MAGI1: variants seen among roughly 807,000 people sequenced by gnomAD.
The protein encoded by MAGI1 is membrane-associated guanylate kinase, WW and PDZ domain-containing protein 1.
MAGI1 carries 58 observed loss-of-function variants against 139.9 expected under a neutral mutation model. The ratio of observed to expected loss-of-function variants is 0.41; its 90% CI spans 0.34 to 0.52. MAGI1 has a LOEUF of 0.52. Ranked by LOEUF, MAGI1 falls within the 20% of genes least tolerant of loss-of-function variation. The pLI is 0.12. For synonymous variants in MAGI1, 812 were observed against 737.9 expected, an observed-to-expected ratio of 1.10 and a Z score of -1.63; for missense variants, 1,874 against 1,901.6, an observed-to-expected ratio of 0.99 and a Z score of 0.27.
chr3:66,029,133 G>C (rs550277324), intron 1 of MAGI1, among the ~76,000 whole-genome samples: 4 of 152,286 alleles, frequency 2.6e-5, no homozygotes, highest in Non-Finnish European at 5.9e-5. Context: ...AGCTCATAAA[G>C]TGTAAAGCCT....
intron 1 of MAGI1, among the ~76,000 whole-genome samples, chr3:65,652,421 G>A (rs1283995211): frequency 6.6e-6 from 1 of 152,140 alleles, no homozygotes; most frequent in Non-Finnish European, 1.5e-5. Flanking sequence ...AGGGGGTCTT[G>A]CTCAGCATGT....
chr3:65,453,303 A>ATTT lies in MAGI1; in HGVS notation c.996_997insAAA (p.Arg332_Cys333insLys). The ATTT allele has an allele frequency of 6.2e-7, 1 of 1,612,786 alleles. No individual in the cohort carries two copies. Among genetic ancestry groups the ATTT allele is most frequent in the Non-Finnish European group, 8.5e-7 (1 of 1,179,808 alleles). The stretch of plus-strand genomic sequence containing the variant: ...AGTGGCTTCTGCTGCTTGTTTAGGC[A>ATTT]CCGAGGGTCTAACCAAGATGTTGTT... On this transcript the variant is annotated inframe_insertion, in exon 6 of 23. Transcript: ENST00000402939.
intron 1 of MAGI1, among the ~76,000 whole-genome samples, chr3:65,718,103 T>A (rs2032498343): frequency 1.3e-5 from 2 of 152,178 alleles, no homozygotes; most frequent in South Asian, 4.1e-4. Flanking sequence ...GGTCTGTGAC[T>A]CTAACTCCTG....
intron 10 of MAGI1, among the ~76,000 whole-genome samples, chr3:65,432,982 C>T (rs1046600364): frequency 6.6e-6 from 1 of 152,174 alleles, no homozygotes; most frequent in African/African-American, 2.4e-5. Flanking sequence ...GCATTTACCA[C>T]CTTCCAAAAG....
intron 1 of MAGI1, among the ~76,000 whole-genome samples, chr3:65,642,816 T>C (rs921500984): frequency 6.6e-6 from 1 of 152,174 alleles, no homozygotes; most frequent in African/African-American, 2.4e-5. Flanking sequence ...TAAAGCTCCA[T>C]CTCTCATTTG....
At chr3:65,783,855 G>A (rs2039154537) in intron 1 of MAGI1, among the ~76,000 whole-genome samples, 1 of 151,870 alleles carries the variant, frequency 6.6e-6, no homozygotes, top group Non-Finnish European at 1.5e-5. Context: ...AGGTGTGGTG[G>A]CCCTTGCCTG....
At chr3:65,727,578 G>A (rs1424510949) in intron 1 of MAGI1, among the ~76,000 whole-genome samples, 1 of 152,168 alleles carries the variant, frequency 6.6e-6, no homozygotes, top group Non-Finnish European at 1.5e-5. Context: ...GATATTTTAT[G>A]ATAAACTGAA....
chr3:65,703,771 G>A (rs920452256), intron 1 of MAGI1, among the ~76,000 whole-genome samples: 14 of 152,172 alleles, frequency 9.2e-5, no homozygotes, highest in African/African-American at 2.9e-4. Flanking sequence ...GAGGGAGAGT[G>A]CCATTGTACC....
chr3:65,511,747 G>A (rs1303093738), intron 2 of MAGI1, among the ~76,000 whole-genome samples: 6 of 149,804 alleles, frequency 4.0e-5, no homozygotes, highest in Non-Finnish European at 5.9e-5. Context: ...ACAGATCAAC[G>A]ACACAGAAAG....
At chr3:65,992,108 G>A (rs1054362336) in intron 1 of MAGI1, among the ~76,000 whole-genome samples, 2 of 152,172 alleles carry the variant, frequency 1.3e-5, no homozygotes, top group Non-Finnish European at 2.9e-5. Context: ...GGGTGCCAGA[G>A]AAAGTCGGAG....
At chr3:65,888,112 C>T (rs961420378) in intron 1 of MAGI1, among the ~76,000 whole-genome samples, 2 of 152,182 alleles carry the variant, frequency 1.3e-5, no homozygotes, top group African/African-American at 4.8e-5. Flanking sequence ...ATTACCTTCT[C>T]TCTACTGTGA....
chr3:65,896,952 C>T (rs1444252013), intron 1 of MAGI1, among the ~76,000 whole-genome samples: 1 of 152,022 alleles, frequency 6.6e-6, no homozygotes, highest in Non-Finnish European at 1.5e-5. Context: ...AAAATTGGTT[C>T]CCAGGATCCC....
In MAGI1 at chr3:65,729,120, CGGGGGGGG is replaced by C. The variant is rs34982531; in HGVS notation, c.314-107040_314-107033del. Among the ~76,000 whole-genome samples the C allele has an allele frequency of 6.4e-4, 39 of 60,946 alleles. 3 individuals are homozygous for C. Among genetic ancestry groups the C allele is most frequent in the Admixed American group, 4.7e-3 (18 of 3,864 alleles). The allele number at this position is 60,946 out of a possible 152,430, so 40.0% of individuals were successfully genotyped here. On this transcript the variant is annotated intron_variant, in intron 1 of 22. Coordinates refer to ENST00000402939, the MANE Select transcript of MAGI1 (RefSeq NM_001033057.2). The stretch of plus-strand genomic sequence containing the variant: ...AATTAGCAGTTAACAAAAAATGGAA[CGGGGGGGG>C]GGGGGGGGATGATATTCACTCTGAA...
intron 17 of MAGI1, among the ~76,000 whole-genome samples, chr3:65,377,400 T>G (rs796697609): frequency 1.3e-5 from 2 of 152,328 alleles, no homozygotes; most frequent in Non-Finnish European, 2.9e-5. Flanking sequence ...AGAAGCCTCA[T>G]GCAAGGTATT....
At chr3:65,536,742 TGAGAAAAAG>T (rs1223862715) in intron 2 of MAGI1, among the ~76,000 whole-genome samples, 2 of 152,124 alleles carry the variant, frequency 1.3e-5, no homozygotes, top group African/African-American at 4.8e-5. Context: ...TTGTAACCAT[TGAGAAAAAG>T]GAGAAAAAGA....
chr3:65,520,443 T>G (rs1275118449), intron 2 of MAGI1, among the ~76,000 whole-genome samples: 1 of 152,144 alleles, frequency 6.6e-6, no homozygotes, highest in Non-Finnish European at 1.5e-5. Flanking sequence ...TAATTAGTTT[T>G]CCTGAACCTC....
At chr3:65,619,020 AAAGTTCTTGAAT>A in intron 2 of MAGI1, among the ~76,000 whole-genome samples, 1 of 152,322 alleles carries the variant, frequency 6.6e-6, no homozygotes, top group South Asian at 2.1e-4. Context: ...AGAAATAATA[AAAGTTCTTGAAT>A]AAAGGGAAGA....
Position 65,364,841 on chromosome 3 carries a change from G to T in MAGI1, c.3290+12C>A, listed in dbSNP as rs773876906. On this transcript the variant is annotated intron_variant, in intron 19 of 22. Transcript: ENST00000402939. ...TTTTCCCCTTTAACAAAGGAAACCA[G>T]TCATGTCTGACCTTGTCTCCTGGGT... The T allele has an allele frequency of 2.5e-6, 4 of 1,613,748 alleles. No individual in the cohort carries two copies. The highest frequency in any genetic ancestry group is 1.1e-5 in the South Asian group (1 of 91,072).
At chr3:65,580,732 T>C (rs1398769125) in intron 2 of MAGI1, among the ~76,000 whole-genome samples, 1 of 152,216 alleles carries the variant, frequency 6.6e-6, no homozygotes, top group Non-Finnish European at 1.5e-5. Context: ...CAAGCACCTC[T>C]GAATGCTTAA....
Sources: allele counts gnomAD v4.1 joint callset (sites outside exome capture counted in the v4.1 genomes callset), GRCh38; gene constraint gnomAD v4.1.1; transcripts MANE v1.5; gene names NCBI Gene and HGNC (gene_info 2026-07-23, HGNC 2026-07-21).